Variants in LRP1B observed in about 807,000 individuals in gnomAD.
LRP1B encodes LDL receptor related protein 1B.
A neutral mutation model predicts 556.6 loss-of-function variants in LRP1B; 217 were observed. The ratio of observed to expected loss-of-function variants is 0.39; its 90% confidence interval spans 0.35 to 0.44. The LOEUF is 0.44. Among genes scored for constraint, LRP1B ranks in the 20% least tolerant of loss-of-function variants. The pLI is 1.00. For missense variants in LRP1B, 5,053 were observed against 5,620.8 expected (o/e 0.90, Z 3.23); for synonymous variants, 2,047 against 1,865.8 (o/e 1.10, Z -2.50).
intron 66 of LRP1B, among the ~76,000 whole-genome samples, chr2:140,411,753 C>T (rs1334374121): frequency 6.6e-6 from 1 of 151,940 alleles, no homozygotes; most frequent in Non-Finnish European, 1.5e-5. Context: ...ATATCAATAC[C>T]ACCTAATTTA....
chr2:141,086,873 C>T (rs1432701669), intron 7 of LRP1B, among the ~76,000 whole-genome samples: 1 of 151,976 alleles, frequency 6.6e-6, no homozygotes, highest in Non-Finnish European at 1.5e-5. Flanking sequence ...TACCAATCAC[C>T]AGAAGATTGC....
chr2:142,092,684 G>A (rs1273082400), intron 1 of LRP1B, among the ~76,000 whole-genome samples: 1 of 151,474 alleles, frequency 6.6e-6, no homozygotes, highest in Non-Finnish European at 1.5e-5. Flanking sequence ...ATATTATATA[G>A]GTTTTAATGG....
chr2:141,990,055 A>G (rs1702303151), intron 1 of LRP1B, among the ~76,000 whole-genome samples: 1 of 152,098 alleles, frequency 6.6e-6, no homozygotes, highest in South Asian at 2.1e-4. Context: ...CTGAAATTCT[A>G]TGATTCTTTA....
chr2:141,146,974 G>A (rs1701801077), intron 7 of LRP1B, among the ~76,000 whole-genome samples: 2 of 152,210 alleles, frequency 1.3e-5, no homozygotes. Flanking sequence ...TGATCCCTGT[G>A]GATTACACAC....
At chr2:142,032,893 T>A (rs1703755482) in intron 1 of LRP1B, among the ~76,000 whole-genome samples, 1 of 151,826 alleles carries the variant, frequency 6.6e-6, no homozygotes, top group South Asian at 2.1e-4. Context: ...TGATGATGTG[T>A]CCGTTACATT....
chr2:140,723,307 C>A (rs1204872733), intron 35 of LRP1B, among the ~76,000 whole-genome samples: 1 of 152,004 alleles, frequency 6.6e-6, no homozygotes, highest in Non-Finnish European at 1.5e-5. Context: ...TAATTATATC[C>A]AACTTTAACT....
At chr2:140,349,782 A>T (rs1681873978) in intron 77 of LRP1B, among the ~76,000 whole-genome samples, 1 of 152,136 alleles carries the variant, frequency 6.6e-6, no homozygotes, top group Admixed American at 6.6e-5. Flanking sequence ...ATTGTGTTTG[A>T]GGGAATAGGA....
intron 41 of LRP1B, among the ~76,000 whole-genome samples, chr2:140,671,553 C>T (rs1685486565): frequency 6.6e-6 from 1 of 152,128 alleles, no homozygotes; most frequent in Non-Finnish European, 1.5e-5. Flanking sequence ...CATCCGTTTT[C>T]TTGTCTTTTC....
At chr2:141,443,730 G>A in intron 3 of LRP1B, among the ~76,000 whole-genome samples, 1 of 152,152 alleles carries the variant, frequency 6.6e-6, no homozygotes, top group East Asian at 1.9e-4. Flanking sequence ...TCAGAGATCA[G>A]ATGGTTGTAG....
chr2:140,847,430 A>G (rs745382077), intron 29 of LRP1B, among the ~76,000 whole-genome samples: 1 of 152,162 alleles, frequency 6.6e-6, no homozygotes, highest in Non-Finnish European at 1.5e-5. Context: ...TCTGTGCTCC[A>G]TACCATTCAG....
At chr2:141,727,015 A>G (rs1016958452) in intron 2 of LRP1B, among the ~76,000 whole-genome samples, 10 of 152,128 alleles carry the variant, frequency 6.6e-5, no homozygotes, top group African/African-American at 2.4e-4. Flanking sequence ...AGAAAAAAGT[A>G]TACTAATTTG....
intron 7 of LRP1B, among the ~76,000 whole-genome samples, chr2:141,092,138 A>G (rs1700185312): frequency 6.6e-6 from 1 of 152,204 alleles, no homozygotes; most frequent in African/African-American, 2.4e-5. Context: ...GTTTTGTTAT[A>G]TGTTGCTGTT....
intron 2 of LRP1B, among the ~76,000 whole-genome samples, chr2:141,548,189 A>G (rs1413336734): frequency 6.6e-6 from 1 of 152,186 alleles, no homozygotes; most frequent in Non-Finnish European, 1.5e-5. Context: ...AGATAGAATA[A>G]ATAATATGCA....
At chr2:141,858,191 T>C (rs550219186) in intron 1 of LRP1B, among the ~76,000 whole-genome samples, 3 of 152,310 alleles carry the variant, frequency 2.0e-5, no homozygotes, top group Non-Finnish European at 4.4e-5. Flanking sequence ...ATCAAACTCA[T>C]TTCTTTTGGG....
At chr2:140,478,144 C>CTTTTTT (rs35948232) in intron 59 of LRP1B, among the ~76,000 whole-genome samples, 7 of 62,778 alleles carry the variant, frequency 1.1e-4, no homozygotes, top group African/African-American at 4.0e-4. Context: ...TATAACTTAA[C>CTTTTTT]TTTTTTTTTT....
chr2:140,919,504 T>C (rs1398157444), intron 21 of LRP1B, among the ~76,000 whole-genome samples: 1 of 152,036 alleles, frequency 6.6e-6, no homozygotes, highest in Non-Finnish European at 1.5e-5. Flanking sequence ...CAAAAGCAAA[T>C]GGAATTTCTT....
At chr2:140,999,966 C>T (rs1697366385) in intron 15 of LRP1B, among the ~76,000 whole-genome samples, 1 of 152,008 alleles carries the variant, frequency 6.6e-6, no homozygotes, top group African/African-American at 2.4e-5. Context: ...GGCTGGAGAG[C>T]AGTGGCACAT....
At chr2:140,851,602 A>T (rs2105121113) in intron 28 of LRP1B, 50 bp downstream of exon 28, 1 of 1,576,964 alleles carries the variant, frequency 6.3e-7, no homozygotes, top group Non-Finnish European at 8.6e-7. Flanking sequence ...ATATAATTTG[A>T]GAGAATTCAA....
intron 85 of LRP1B, among the ~76,000 whole-genome samples, chr2:140,270,925 T>G (rs1433344285): frequency 6.6e-6 from 1 of 151,940 alleles, no homozygotes; most frequent in East Asian, 1.9e-4. Context: ...CATAAAAAAA[T>G]CATGGAGTAG....
Sources: allele counts gnomAD v4.1 joint callset (sites outside exome capture counted in the v4.1 genomes callset), GRCh38; gene constraint gnomAD v4.1.1; transcripts MANE v1.5; gene names NCBI Gene and HGNC (gene_info 2026-07-23, HGNC 2026-07-21).